Variants in ITPR1 observed in about 807,000 individuals in gnomAD.
The protein encoded by ITPR1 is inositol 1,4,5-trisphosphate-gated calcium channel ITPR1.
Under a neutral mutation model 318.4 loss-of-function variants are expected in ITPR1, and 96 were observed. That is an observed-to-expected ratio of 0.30 (90% CI 0.26 to 0.36). ITPR1 has a LOEUF of 0.36. Ranked by LOEUF, ITPR1 falls within the 10% of genes least tolerant of loss-of-function variation. The probability of loss-of-function intolerance (pLI) is 1.00; values close to 1 mark genes in which losing one functional copy is unlikely to be tolerated. For synonymous variants in ITPR1, 1,312 were observed against 1,289.9 expected, an observed-to-expected ratio of 1.02 and a Z score of -0.37; for missense variants, 2,440 against 3,460.2, an observed-to-expected ratio of 0.71 and a Z score of 7.40.
intron 4 of ITPR1, among the ~76,000 whole-genome samples, chr3:4,597,757 G>A (rs1171069968): frequency 1.3e-5 from 2 of 152,346 alleles, no homozygotes; most frequent in Non-Finnish European, 2.9e-5. Context: ...GCAACCTGGT[G>A]TGATATGTGA....
At chr3:4,609,635 G>A (rs987974391) in intron 4 of ITPR1, among the ~76,000 whole-genome samples, 8 of 151,908 alleles carry the variant, frequency 5.3e-5, no homozygotes, top group African/African-American at 1.9e-4. Context: ...CTCAGGGCTG[G>A]GTCACAACGT....
chr3:4,511,598 C>T (rs997203703), intron 2 of ITPR1, among the ~76,000 whole-genome samples: 3 of 152,154 alleles, frequency 2.0e-5, no homozygotes, highest in African/African-American at 7.2e-5. Context: ...TTATAAATAC[C>T]GTCTTGCTGA....
intron 44 of ITPR1, among the ~76,000 whole-genome samples, chr3:4,763,553 A>G (rs924684361): frequency 1.3e-5 from 2 of 152,004 alleles, no homozygotes; most frequent in African/African-American, 2.4e-5. Context: ...CCAGTTCCCA[A>G]CCTATTCTCT....
At chr3:4,753,143 G>C (rs1246724314) in intron 44 of ITPR1, among the ~76,000 whole-genome samples, 2 of 152,208 alleles carry the variant, frequency 1.3e-5, no homozygotes, top group East Asian at 1.9e-4. Context: ...TGGGATGTTG[G>C]AGGAGCTGAG....
At chr3:4,529,170 A>G (rs1347400904) in intron 4 of ITPR1, among the ~76,000 whole-genome samples, 3 of 152,138 alleles carry the variant, frequency 2.0e-5, no homozygotes, top group Non-Finnish European at 4.4e-5. Flanking sequence ...TTTTTTGCAT[A>G]CCTGAGTCAC....
chr3:4,494,098 A>T (rs571164037), intron 1 of ITPR1, among the ~76,000 whole-genome samples: 1 of 152,336 alleles, frequency 6.6e-6, no homozygotes, highest in African/African-American at 2.4e-5. Flanking sequence ...CTCATGTCCA[A>T]TGAGGATGCG....
intron 13 of ITPR1, among the ~76,000 whole-genome samples, chr3:4,659,621 G>T (rs2093789561): frequency 6.6e-6 from 1 of 151,932 alleles, no homozygotes; most frequent in Non-Finnish European, 1.5e-5. Context: ...GGAGGCAGAG[G>T]TTGCAGTGAG....
At chr3:4,770,228 C>T (rs1367988553) in intron 46 of ITPR1, among the ~76,000 whole-genome samples, 2 of 152,160 alleles carry the variant, frequency 1.3e-5, no homozygotes, top group Admixed American at 6.5e-5. Context: ...TGTCACACCT[C>T]GATTGTGGCT....
chr3:4,749,345 G>A (rs1179148469), intron 44 of ITPR1: 1 of 152,172 alleles, frequency 6.6e-6, no homozygotes. Context: ...TACTGGTTCT[G>A]ATGAGAGAGG....
At chr3:4,498,644 G>C (rs955476475) in intron 2 of ITPR1, among the ~76,000 whole-genome samples, 3 of 152,172 alleles carry the variant, frequency 2.0e-5, no homozygotes, top group African/African-American at 4.8e-5. Flanking sequence ...AACTCGATAG[G>C]GGGTAAAACC....
chr3:4,649,668 G>A (rs1199646813), intron 10 of ITPR1, among the ~76,000 whole-genome samples: 2 of 152,160 alleles, frequency 1.3e-5, no homozygotes, highest in Non-Finnish European at 2.9e-5. Context: ...TCCAAATCAG[G>A]CTGCTGTTAT....
intron 41 of ITPR1, 57 bp downstream of exon 41, chr3:4,725,638 G>T: frequency 2.1e-6 from 3 of 1,432,712 alleles, no homozygotes; most frequent in Middle Eastern, 1.7e-4. Flanking sequence ...ATGCCTCTCA[G>T]TTGTCCTGGT....
intron 44 of ITPR1, among the ~76,000 whole-genome samples, chr3:4,762,573 A>G (rs1559851620): frequency 6.6e-6 from 1 of 152,222 alleles, no homozygotes; most frequent in Non-Finnish European, 1.5e-5. Context: ...ATGGTAGTAG[A>G]AAAACAAAAT....
chr3:4,680,666 C>A lies in ITPR1; in HGVS notation c.3081C>A (p.Ser1027Arg). The A allele has an allele frequency of 6.2e-7, 1 of 1,612,610 alleles. No individual in the cohort carries two copies. The highest frequency in any genetic ancestry group is 8.5e-7 in the Non-Finnish European group (1 of 1,179,222). The part of the protein sequence containing the change: ...QTSETSSGNS[S>R]QEGPSNVPGA... ...CAGAAACATCCTCCGGAAACAGCAGCCAAGAAGGGCCAAGTAATGTACCAG... is the reference window on the plus strand; with the variant it reads ...CAGAAACATCCTCCGGAAACAGCAGACAAGAAGGGCCAAGTAATGTACCAG... The change falls in exon 25 of 62, where the codon AGC becomes AGA. Residue 1027 changes from serine (S) to arginine (R), a missense_variant. Physicochemically the swap from Ser to Arg is moderately radical, Grantham distance 110. Around this residue, in one of 23 missense-constraint regions of ITPR1, gnomAD observed 57 missense variants for 46.2 expected, o/e 1.23. Coordinates refer to ENST00000649015, the MANE Select transcript of ITPR1 (RefSeq NM_001378452.1).
At position 4,806,207 on chromosome 3, in the gene ITPR1, G is replaced by T; in HGVS notation, c.7212G>T (p.Leu2404Phe). The change falls in exon 55 of 62, where the codon TTG becomes TTT. Residue 2404 changes from leucine to phenylalanine, a missense_variant. Physicochemically the swap from Leu to Phe is conservative, Grantham distance 22. Transcript: ENST00000649015. Reference sequence around the variant, plus strand: ...TGGATGTTGAGTTCCTCTATCATTTGTTGTATCTGGTGATCTGTGCCATGG... The same window carrying T: ...TGGATGTTGAGTTCCTCTATCATTTTTTGTATCTGGTGATCTGTGCCATGG... ...MVLDVEFLYH[L>F]LYLVICAMGL... The T allele has an allele frequency of 6.2e-7, 1 of 1,613,994 alleles. No individual in the cohort carries two copies. Among genetic ancestry groups the T allele is most frequent in the Non-Finnish European group, 8.5e-7 (1 of 1,179,838 alleles).
chr3:4,794,524 G>C (rs1244095404), intron 52 of ITPR1, among the ~76,000 whole-genome samples: 1 of 152,208 alleles, frequency 6.6e-6, no homozygotes, highest in Non-Finnish European at 1.5e-5. Flanking sequence ...CTTGCTTTTA[G>C]GCACTGGCGT....
chr3:4,817,900 A>G (rs1342310801), intron 59 of ITPR1, among the ~76,000 whole-genome samples, 182 bp from the exon 60 acceptor site: 1 of 152,228 alleles, frequency 6.6e-6, no homozygotes, highest in Non-Finnish European at 1.5e-5. Context: ...TGTCTGACTC[A>G]CAGCCTGTGT....
rs188203455 is a variant in ITPR1, at chr3:4,785,628, G to T, written c.6615+1708G>T. On this transcript the variant is annotated intron_variant, in intron 51 of 61. Transcript: ENST00000649015. ...TGAAGGGCCAGCTCTGTCCTCTAGA[G>T]CCCTTAAAAGGCGAGCTTTAGATGT... Among the ~76,000 whole-genome samples, 11 of 152,314 alleles carry T rather than the reference G, an allele frequency of 7.2e-5. No homozygotes were observed. The East Asian group carries it at 1.3e-3, about 19-fold the overall frequency.
chr3:4,521,973 C>T (rs2082604784), intron 4 of ITPR1, among the ~76,000 whole-genome samples: 1 of 152,172 alleles, frequency 6.6e-6, no homozygotes, highest in African/African-American at 2.4e-5. Flanking sequence ...TATCTTTCTC[C>T]AAAGGTAGCT....
Sources: allele counts gnomAD v4.1 joint callset (sites outside exome capture counted in the v4.1 genomes callset), GRCh38; gene constraint gnomAD v4.1.1; regional missense constraint gnomAD v4.1.1; transcripts MANE v1.5; gene names NCBI Gene and HGNC (gene_info 2026-07-23, HGNC 2026-07-21).